Variants in MYT1L observed in about 807,000 individuals in gnomAD.
MYT1L encodes the protein myelin transcription factor 1-like protein.
A neutral mutation model predicts 126.7 loss-of-function variants in MYT1L; 12 were observed. The ratio of observed to expected loss-of-function variants is 0.09; its 90% CI spans 0.06 to 0.15. The LOEUF (loss-of-function observed/expected upper bound fraction) is 0.15. Ranked by LOEUF, MYT1L falls within the 10% of genes least tolerant of loss-of-function variation. The pLI is 1.00. For missense variants in MYT1L, 979 were observed against 1,585.2 expected, an observed-to-expected ratio of 0.62 and a Z score of 6.49; for synonymous variants, 541 against 604.2, an observed-to-expected ratio of 0.90 and a Z score of 1.53.
chr2:2,067,479 C>T (rs570251449), intron 3 of MYT1L, among the ~76,000 whole-genome samples: 5 of 152,132 alleles, frequency 3.3e-5, no homozygotes, highest in Admixed American at 6.5e-5. Flanking sequence ...CAGTGGCTCA[C>T]GCCTGTAACT....
In MYT1L at chr2:1,806,930, G is replaced by A. The variant is rs546015427; in HGVS notation, c.3172+2146C>T. Among the ~76,000 whole-genome samples, 50 of 152,260 alleles carry A rather than the reference G, an allele frequency of 3.3e-4. No individual in the cohort carries two copies. The highest frequency in any genetic ancestry group is 1.1e-3 in the African/African-American group (47 of 41,476). ...TATTTTGAAAAGCGCCCGGCATGCA[G>A]ATGGGGCTTAGGGAATGTTTTCTTT... On this transcript the variant is annotated intron_variant, in intron 22 of 24. Transcript: ENST00000647738. The surrounding 1 kb of genome is among the most constrained non-coding windows in gnomAD (Gnocchi z 4.9).
chr2:2,037,905 A>G (rs1291257645), intron 4 of MYT1L, among the ~76,000 whole-genome samples: 2 of 152,216 alleles, frequency 1.3e-5, no homozygotes, highest in African/African-American at 2.4e-5. Flanking sequence ...ATAGTTTTGA[A>G]TCCTCAAATC....
At chr2:2,169,767 G>A (rs188068252) in intron 3 of MYT1L, among the ~76,000 whole-genome samples, 63 of 152,176 alleles carry the variant, frequency 4.1e-4, no homozygotes, top group African/African-American at 9.6e-4. Flanking sequence ...TCTGCCCCAC[G>A]GACTGCTGAC....
At chr2:1,863,838 A>G (rs960970826) in intron 18 of MYT1L, among the ~76,000 whole-genome samples, 2 of 152,226 alleles carry the variant, frequency 1.3e-5, no homozygotes, top group Non-Finnish European at 2.9e-5. Context: ...TAGATGTTAT[A>G]AGGCAGAAAG....
chr2:1,838,200 C>T (rs2041166582), intron 21 of MYT1L, among the ~76,000 whole-genome samples: 1 of 152,110 alleles, frequency 6.6e-6, no homozygotes, highest in Non-Finnish European at 1.5e-5. Flanking sequence ...AGGTGTGAGC[C>T]ACTGTGCCCG....
intron 12 of MYT1L, 77 bp downstream of exon 12, chr2:1,911,943 G>A: frequency 8.5e-7 from 1 of 1,177,144 alleles, no homozygotes; most frequent in South Asian, 1.6e-5. Flanking sequence ...ATGGAGCGTG[G>A]TAGGCCCCCC....
chr2:1,930,288 G>A (rs552380991), intron 9 of MYT1L, among the ~76,000 whole-genome samples: 40 of 152,326 alleles, frequency 2.6e-4, no homozygotes, highest in Middle Eastern at 3.4e-3. Context: ...CTGAACTGCT[G>A]GAGTGGCACT....
intron 4 of MYT1L, among the ~76,000 whole-genome samples, chr2:2,041,042 G>A (rs537625428): frequency 2.0e-5 from 3 of 152,116 alleles, no homozygotes; most frequent in Non-Finnish European, 4.4e-5. Context: ...AGATACATTT[G>A]TTTATAAAAA....
intron 2 of MYT1L, among the ~76,000 whole-genome samples, chr2:2,257,813 C>T (rs2094860593): frequency 6.7e-6 from 1 of 150,132 alleles, no homozygotes; most frequent in Non-Finnish European, 1.5e-5. Flanking sequence ...AATGGCCATA[C>T]TGCCCAAGGT....
In MYT1L at chr2:1,948,636, A is replaced by C. The variant is rs1265786233; in HGVS notation, c.153-5302T>G. 3.9e-5 allele frequency among the ~76,000 whole-genome samples: 6 copies of C among 152,280 alleles called. No homozygotes were observed. The East Asian group carries it at 1.2e-3, about 29-fold the overall frequency. The stretch of plus-strand genomic sequence containing the variant: ...TCTGCTGATGGGGCGGTGATCTGGA[A>C]AGAGAGGAGGATGTGGGGGCACTGG... On this transcript the variant is annotated intron_variant, in intron 8 of 24. Coordinates refer to ENST00000647738, the MANE Select transcript of MYT1L (RefSeq NM_001303052.2).
At chr2:1,842,499 C>T (rs2041874701) in intron 19 of MYT1L, 1 of 152,292 alleles carries the variant, frequency 6.6e-6, no homozygotes, top group African/African-American at 2.4e-5. Context: ...GCGAGGGCAC[C>T]TGAGCTCGCT....
chr2:2,008,178 T>G (rs1366830634), intron 4 of MYT1L, among the ~76,000 whole-genome samples: 1 of 152,244 alleles, frequency 6.6e-6, no homozygotes, highest in Non-Finnish European at 1.5e-5. Flanking sequence ...TGTGATTGTA[T>G]CCTAGTCAGT....
chr2:2,262,939 G>GAGATATATATATATATATATATATAT lies in MYT1L; in HGVS notation c.-421+21464_-421+21465insATATATATATATATATATATATATCT, dbSNP rs1466512652. ...AAATATATATATATATATAACCTGT[G>GAGATATATATATATATATATATATAT]ATATATATATATATATCACAGGTAA... On this transcript the variant is annotated intron_variant, in intron 2 of 24. Coordinates refer to ENST00000647738, the MANE Select transcript of MYT1L (RefSeq NM_001303052.2). Among the ~76,000 whole-genome samples the GAGATATATATATATATATATATATAT allele has an allele frequency of 5.8e-4, 30 of 51,928 alleles. No homozygotes were observed. In the East Asian group the frequency reaches 6.8e-3, roughly 12 times the overall value. The allele number at this position is 51,928 out of a possible 152,430, so 34.1% of individuals were successfully genotyped here.
At chr2:2,221,387 T>C (rs1468978477) in intron 2 of MYT1L, among the ~76,000 whole-genome samples, 1 of 152,002 alleles carries the variant, frequency 6.6e-6, no homozygotes, top group East Asian at 1.9e-4. Flanking sequence ...CTGGTCCTGG[T>C]GGAGGTGAAG....
At chr2:2,233,518 G>C (rs2094210056) in intron 2 of MYT1L, among the ~76,000 whole-genome samples, 1 of 152,200 alleles carries the variant, frequency 6.6e-6, no homozygotes, top group Admixed American at 6.5e-5. Flanking sequence ...CCCTGGGGTG[G>C]GATGGGGCGG....
intron 8 of MYT1L, among the ~76,000 whole-genome samples, chr2:1,945,419 G>C (rs2057118880): frequency 6.6e-6 from 1 of 152,086 alleles, no homozygotes; most frequent in Non-Finnish European, 1.5e-5. Context: ...AGATGAGAGA[G>C]GCCAGGAGGA....
chr2:2,212,813 T>C (rs1045140452), intron 2 of MYT1L, among the ~76,000 whole-genome samples: 3 of 152,168 alleles, frequency 2.0e-5, no homozygotes, highest in African/African-American at 7.2e-5. Context: ...CTGGTGTTAC[T>C]TTATTCTCCC....
Position 1,917,401 on chromosome 2 carries a change from T to C in MYT1L, c.1484-62A>G, listed in dbSNP as rs1308121294. ...TACCAATCAAAGACAAATGTGATTA[T>C]TTCACAATCTGAAGAAACCTTGCTA... is the stretch of plus-strand genomic sequence containing the variant. On this transcript the variant is annotated intron_variant, in intron 10 of 24. Transcript: ENST00000647738. This position sits in a 1 kb window ranked among gnomAD's most constrained non-coding sequence, Gnocchi z 5.9. The C allele has an allele frequency of 4.6e-6, 7 of 1,529,554 alleles. No individual in the cohort carries two copies. Among genetic ancestry groups the C allele is most frequent in the East Asian group, 2.3e-5 (1 of 43,960 alleles). The allele number at this position is 1,529,554 out of a possible 1,614,324, so 94.7% of individuals were successfully genotyped here. A position where few individuals can be genotyped will look rare whatever the true frequency, so the allele number is the denominator to read the frequency against.
At chr2:2,071,438 C>G (rs1209791084) in intron 3 of MYT1L, among the ~76,000 whole-genome samples, 2 of 152,160 alleles carry the variant, frequency 1.3e-5, no homozygotes, top group Non-Finnish European at 2.9e-5. Flanking sequence ...AGTTTACTGT[C>G]TGGGGTGTGA....
Sources: allele counts gnomAD v4.1 joint callset (sites outside exome capture counted in the v4.1 genomes callset), GRCh38; gene constraint gnomAD v4.1.1; non-coding constraint Gnocchi (gnomAD v3.1); transcripts MANE v1.5; gene names NCBI Gene and HGNC (gene_info 2026-07-23, HGNC 2026-07-21).